ARHGAP10: variants seen among roughly 807,000 people sequenced by gnomAD.
ARHGAP10 encodes the protein Rho GTPase activating protein 10, also known as rho GTPase-activating protein 10.
A neutral mutation model predicts 108.6 loss-of-function variants in ARHGAP10; 87 were observed. That is an observed-to-expected ratio of 0.80 (90% CI 0.67 to 0.96). ARHGAP10 has a LOEUF of 0.96. ARHGAP10 is among the 40% of genes least tolerant of loss of function. ARHGAP10 has a pLI of 0.00. For missense variants in ARHGAP10, 939 were observed against 954.5 expected, an observed-to-expected ratio of 0.98 and a Z score of 0.21; for synonymous variants, 347 against 341.1, an observed-to-expected ratio of 1.02 and a Z score of -0.19.
chr4:148,063,055 T>C (rs914789170), intron 20 of ARHGAP10, 93 bp from the exon 21 acceptor site: 15 of 1,463,684 alleles, frequency 1.0e-5, no homozygotes, highest in Middle Eastern at 3.5e-4. Context: ...ATAGGGGAAT[T>C]AGTGACCTAG....
chr4:147,824,055 C>T (rs1020465557), intron 3 of ARHGAP10, among the ~76,000 whole-genome samples: 1 of 152,076 alleles, frequency 6.6e-6, no homozygotes, highest in Non-Finnish European at 1.5e-5. Context: ...CGAGGTGGCT[C>T]ATGCCTGTAA....
intron 10 of ARHGAP10, among the ~76,000 whole-genome samples, chr4:147,905,952 C>T (rs1736470371): frequency 6.6e-6 from 1 of 152,130 alleles, no homozygotes. Context: ...CCTTCACGTT[C>T]CTTGTAAGTT....
At position 148,060,027 on chromosome 4, in the gene ARHGAP10, C is replaced by CGAGA. The variant is rs35719237; in HGVS notation, c.2028-3114_2028-3111dup. On this transcript the variant is annotated intron_variant, in intron 20 of 22. Transcript: ENST00000336498. ...AGAGGAGAGAGAGAGGGGAGAGAGA[C>CGAGA]GAGAGAGAGACGAGAGACAGATATG... 1.6e-4 allele frequency among the ~76,000 whole-genome samples: 24 copies of CGAGA among 150,706 alleles called. No homozygotes were observed. In the East Asian group the frequency reaches 3.2e-3, roughly 20 times the overall value.
chr4:147,931,338 G>A (rs1399497128), intron 13 of ARHGAP10, among the ~76,000 whole-genome samples: 1 of 150,472 alleles, frequency 6.6e-6, no homozygotes, highest in Non-Finnish European at 1.5e-5. Flanking sequence ...CTTGGGGCCT[G>A]TAAACACATT....
intron 22 of ARHGAP10, chr4:148,065,558 A>G (rs982601844): frequency 2.0e-5 from 3 of 152,218 alleles, no homozygotes; most frequent in African/African-American, 7.2e-5. Context: ...CTCCATCACC[A>G]TAACATACAT....
At chr4:147,745,483 G>GTGTTTGTT (rs573154646) in intron 1 of ARHGAP10, 2 of 155,452 alleles carry the variant, frequency 1.3e-5, no homozygotes, top group South Asian at 2.0e-4. Flanking sequence ...AGAGCACAAA[G>GTGTTTGTT]TGTTTGTTTG....
rs35472561 is a variant in ARHGAP10, at chr4:148,017,652, CTATATATATATATA to C, written c.1717-5593_1717-5580del. The stretch of plus-strand genomic sequence containing the variant: ...AGCTGTGACAGTTATGAGCCAGTAA[CTATATATATATATA>C]TATATATATATATATATGTGTGTGT... On this transcript the variant is annotated intron_variant, in intron 18 of 22. Coordinates refer to ENST00000336498, the MANE Select transcript of ARHGAP10 (RefSeq NM_024605.4). Among the ~76,000 whole-genome samples the C allele has an allele frequency of 9.0e-4, 95 of 105,318 alleles. 3 individuals carry two copies. The highest frequency in any genetic ancestry group is 1.2e-3 in the Non-Finnish European group (65 of 54,926). 69.1% of individuals were successfully genotyped at this position (105,318 alleles called of 152,430 possible). A position where few individuals can be genotyped will look rare whatever the true frequency, so the allele number is the denominator to read the frequency against.
At chr4:147,742,006 A>AT (rs1452006228) in intron 1 of ARHGAP10, among the ~76,000 whole-genome samples, 1 of 151,582 alleles carries the variant, frequency 6.6e-6, no homozygotes, top group Non-Finnish European at 1.5e-5. Context: ...GGTGAGTGTG[A>AT]TTTCTCCTGA....
intron 1 of ARHGAP10, among the ~76,000 whole-genome samples, chr4:147,759,939 G>A (rs1464410396): frequency 1.3e-5 from 2 of 151,910 alleles, no homozygotes; most frequent in Admixed American, 6.6e-5. Flanking sequence ...TAGTAGAGAC[G>A]GTGTTTCACC....
intron 7 of ARHGAP10, among the ~76,000 whole-genome samples, chr4:147,872,664 A>G (rs992381954): frequency 4.6e-5 from 7 of 152,228 alleles, no homozygotes; most frequent in African/African-American, 1.7e-4. Flanking sequence ...TCTATGTATG[A>G]TATACTGTGT....
rs10009344 is a variant in ARHGAP10 at position 148,014,560 on chromosome 4, G to A, written c.1717-8703G>A. 8.0e-3 allele frequency among the ~76,000 whole-genome samples: 1,226 copies of A among 152,314 alleles called. 15 individuals carry two copies. The highest frequency in any genetic ancestry group is 0.027 in the African/African-American group (1,133 of 41,554). ...TCTTTAATGCCATTTGGTTCTGAGC[G>A]TATTATCAAAGTTATTATTCCTTCT... is the stretch of plus-strand genomic sequence containing the variant. On this transcript the variant is annotated intron_variant, in intron 18 of 22. Transcript: ENST00000336498.
At chr4:148,041,911 C>T (rs951652471) in intron 19 of ARHGAP10, among the ~76,000 whole-genome samples, 1 of 152,330 alleles carries the variant, frequency 6.6e-6, no homozygotes, top group Admixed American at 6.5e-5. Context: ...GATCCCTCAA[C>T]GTTCTTTTAC....
intron 10 of ARHGAP10, among the ~76,000 whole-genome samples, chr4:147,903,191 C>T (rs1239109024): frequency 6.6e-6 from 1 of 152,206 alleles, no homozygotes; most frequent in African/African-American, 2.4e-5. Flanking sequence ...CCAGCAGGCT[C>T]ATGGCGCCAG....
chr4:147,952,427 TC>T lies in ARHGAP10; in HGVS notation c.1392-2888del, dbSNP rs1738638334. ...TCATTCTTGCCAACTCTTAAGCTGGTCAATCTTTTTCATTTTAGCCATCGTA... is the reference window on the plus strand; with the variant it reads ...TCATTCTTGCCAACTCTTAAGCTGGTAATCTTTTTCATTTTAGCCATCGTA... On this transcript the variant is annotated intron_variant, in intron 15 of 22. Transcript: ENST00000336498. Among the ~76,000 whole-genome samples the T allele has an allele frequency of 2.6e-5, 4 of 152,300 alleles. 1 individual carries two copies. The South Asian group carries it at 8.3e-4, about 32-fold the overall frequency.
At chr4:147,985,838 G>C (rs1208734443) in intron 18 of ARHGAP10, among the ~76,000 whole-genome samples, 1 of 152,130 alleles carries the variant, frequency 6.6e-6, no homozygotes, top group Non-Finnish European at 1.5e-5. Context: ...GCTCTCCCTC[G>C]GCCTGGGTTG....
rs563953685 is a variant in ARHGAP10, at chr4:148,048,285, A to T, written c.2027+1234A>T. ...TTTTTATAGTTACTGCTGGATTCACATGAAATGATTGTGAACTTATTAAGT... is the reference window on the plus strand; with the variant it reads ...TTTTTATAGTTACTGCTGGATTCACTTGAAATGATTGTGAACTTATTAAGT... On this transcript the variant is annotated intron_variant, in intron 20 of 22. Coordinates refer to ENST00000336498, the MANE Select transcript of ARHGAP10 (RefSeq NM_024605.4). Among the ~76,000 whole-genome samples the T allele has an allele frequency of 3.9e-5, 6 of 152,370 alleles. No homozygotes were observed. In the East Asian group the frequency reaches 1.2e-3, roughly 29 times the overall value.
At chr4:147,856,835 T>A (rs1347404435) in intron 4 of ARHGAP10, among the ~76,000 whole-genome samples, 1 of 152,172 alleles carries the variant, frequency 6.6e-6, no homozygotes, top group Non-Finnish European at 1.5e-5. Flanking sequence ...GTATTATGAT[T>A]TTTTGAAAAT....
chr4:148,046,876 C>CT lies in ARHGAP10; in HGVS notation c.1868-9dup, dbSNP rs781121189. ...CCAGGTATTTGTTTGATATTCAATG[C>CT]TTTTTTTCCTCCTAGGTGACAATCC... On this transcript the variant is annotated splice_polypyrimidine_tract_variant and intron_variant, in intron 19 of 22. Transcript: ENST00000336498. 3 of 1,604,270 alleles carry CT rather than the reference C, an allele frequency of 1.9e-6. No individual in the cohort carries two copies. The highest frequency in any genetic ancestry group is 1.7e-6 in the Non-Finnish European group (2 of 1,174,448).
Position 148,063,265 on chromosome 4 carries a change from T to C in ARHGAP10, c.2145T>C (p.Ser715=), listed in dbSNP as rs1215334462. The change falls in exon 21 of 23, where the codon TCT becomes TCC. Residue 715 remains serine, a synonymous_variant. Coordinates refer to ENST00000336498, the MANE Select transcript of ARHGAP10 (RefSeq NM_024605.4). ...LSPGSSPFPF[S]PPATVADKPP... ...CCGGGTCGTCCCCTTTCCCCTTTTC[T>C]CCTCCTGCTACTGTAGCGGACAAGC... is the stretch of plus-strand genomic sequence containing the variant. The C allele has an allele frequency of 2.5e-6, 4 of 1,614,108 alleles. No individual in the cohort carries two copies. The highest frequency in any genetic ancestry group is 2.2e-5 in the South Asian group (2 of 91,072).
Sources: gnomAD v4.1 joint callset for allele counts (sites outside exome capture counted in the v4.1 genomes callset) on GRCh38, gnomAD v4.1.1 for gene constraint, MANE v1.5 for transcripts, NCBI Gene and HGNC (gene_info 2026-07-23, HGNC 2026-07-21) for gene names.